MAPK10: variants seen among roughly 807,000 people sequenced by gnomAD.
The protein encoded by MAPK10 is JNK3 alpha protein kinase.
MAPK10 carries 25 observed loss-of-function variants against 59.3 expected under a neutral mutation model. The ratio of observed to expected loss-of-function variants is 0.42; its 90% CI spans 0.31 to 0.59. The LOEUF is 0.59. MAPK10 is among the 20% of genes least tolerant of loss of function. MAPK10 has a pLI of 0.15. For synonymous variants in MAPK10, 190 were observed against 200.5 expected, an observed-to-expected ratio of 0.95 and a Z score of 0.44; for missense variants, 351 against 568.9, an observed-to-expected ratio of 0.62 and a Z score of 3.90.
intron 1 of MAPK10, among the ~76,000 whole-genome samples, chr4:86,491,170 G>C (rs1243757856): frequency 6.6e-6 from 1 of 152,162 alleles, no homozygotes; most frequent in Non-Finnish European, 1.5e-5. Flanking sequence ...GCAGTGCTGT[G>C]ATGGATGAAA....
intron 1 of MAPK10, among the ~76,000 whole-genome samples, chr4:86,574,151 C>A (rs897654953): frequency 6.6e-6 from 1 of 151,430 alleles, no homozygotes; most frequent in African/African-American, 2.4e-5. Context: ...TGAGAACATG[C>A]GGTGTTTGGT....
At chr4:86,402,794 A>G (rs180780871) in intron 1 of MAPK10, among the ~76,000 whole-genome samples, 1 of 152,228 alleles carries the variant, frequency 6.6e-6, no homozygotes, top group East Asian at 1.9e-4. Flanking sequence ...TCAAGTCTAA[A>G]GTTGGTCCAG....
chr4:86,309,388 AT>A (rs1158963391), intron 2 of MAPK10, among the ~76,000 whole-genome samples: 1 of 152,160 alleles, frequency 6.6e-6, no homozygotes, highest in African/African-American at 2.4e-5. Context: ...GTGCACAAGC[AT>A]TGCATCAATA....
rs200528189 is a variant in MAPK10 at position 86,314,699 on chromosome 4, AGTT to A, written c.-7+39828_-7+39830del. Among the ~76,000 whole-genome samples, 905 of 152,312 alleles carry A rather than the reference AGTT, an allele frequency of 5.9e-3. 2 individuals are homozygous for A. Among genetic ancestry groups the A allele is most frequent in the South Asian group, 0.026 (126 of 4,830 alleles). ...CTGCATATAACTCAATAGAAATAGA[AGTT>A]GTTGTTGTTTTCTGATTACAAAGAG... On this transcript the variant is annotated intron_variant, in intron 2 of 13. Transcript: ENST00000641462.
At chr4:86,228,443 C>G (rs367928325) in intron 2 of MAPK10, among the ~76,000 whole-genome samples, 39 of 152,116 alleles carry the variant, frequency 2.6e-4, no homozygotes, top group African/African-American at 9.4e-4. Flanking sequence ...CCCTTTTCTC[C>G]TGCAGCTTCC....
intron 1 of MAPK10, among the ~76,000 whole-genome samples, chr4:86,365,728 A>G (rs1737763636): frequency 6.6e-6 from 1 of 152,144 alleles, no homozygotes; most frequent in Non-Finnish European, 1.5e-5. Flanking sequence ...ACATATTTGA[A>G]CTTTGTATTT....
chr4:86,556,380 A>AT (rs535230061), intron 1 of MAPK10, among the ~76,000 whole-genome samples: 5 of 151,712 alleles, frequency 3.3e-5, no homozygotes, highest in Admixed American at 6.6e-5. Flanking sequence ...GAAATGCTTT[A>AT]TTTTTTTTAC....
At chr4:86,546,531 TG>T (rs1265511972) in intron 1 of MAPK10, among the ~76,000 whole-genome samples, 1 of 143,574 alleles carries the variant, frequency 7.0e-6, no homozygotes, top group East Asian at 2.0e-4. Context: ...CACTCCAGCC[TG>T]GGGGACAAGA....
At chr4:86,497,872 G>T (rs1754995176) in intron 1 of MAPK10, among the ~76,000 whole-genome samples, 1 of 152,288 alleles carries the variant, frequency 6.6e-6, no homozygotes, top group Admixed American at 6.5e-5. Context: ...TAGGAGCAGG[G>T]TTGATTAGAA....
intron 2 of MAPK10, among the ~76,000 whole-genome samples, chr4:86,228,742 T>A (rs1398965456): frequency 1.3e-5 from 2 of 152,112 alleles, no homozygotes; most frequent in African/African-American, 4.8e-5. Flanking sequence ...CATGTTTGTA[T>A]CCCCAGCACT....
intron 2 of MAPK10, among the ~76,000 whole-genome samples, chr4:86,324,515 A>G (rs1021745784): frequency 6.6e-6 from 1 of 152,216 alleles, no homozygotes; most frequent in African/African-American, 2.4e-5. Context: ...AAGGCAGCAG[A>G]TAAGCAGAGG....
chr4:86,281,545 A>C (rs1198254134), intron 2 of MAPK10, among the ~76,000 whole-genome samples: 1 of 151,746 alleles, frequency 6.6e-6, no homozygotes, highest in African/African-American at 2.4e-5. Context: ...ATAAAATAAT[A>C]AAATAAATTC....
At chr4:86,386,454 C>A (rs116314890) in intron 1 of MAPK10, among the ~76,000 whole-genome samples, 1 of 152,258 alleles carries the variant, frequency 6.6e-6, no homozygotes, top group East Asian at 1.9e-4. Flanking sequence ...CTGCAGGGAC[C>A]ACATGGGTAG....
intron 1 of MAPK10, among the ~76,000 whole-genome samples, chr4:86,547,559 GC>G (rs1759326756): frequency 6.6e-6 from 1 of 152,190 alleles, no homozygotes; most frequent in African/African-American, 2.4e-5. Flanking sequence ...GGGCTCCTGT[GC>G]CGCGGAGCCT....
intron 2 of MAPK10, among the ~76,000 whole-genome samples, chr4:86,346,119 T>C (rs1728041864): frequency 6.6e-6 from 1 of 152,182 alleles, no homozygotes; most frequent in Non-Finnish European, 1.5e-5. Flanking sequence ...ATAAGTGCAA[T>C]GAATGAGAGC....
intron 1 of MAPK10, among the ~76,000 whole-genome samples, chr4:86,481,640 G>A (rs560482397): frequency 1.3e-5 from 2 of 152,248 alleles, no homozygotes; most frequent in South Asian, 4.1e-4. Flanking sequence ...TGAGTTAAGT[G>A]CTTACAGAGA....
At chr4:86,583,122 A>G (rs944160249) in intron 1 of MAPK10, among the ~76,000 whole-genome samples, 12 of 152,118 alleles carry the variant, frequency 7.9e-5, no homozygotes, top group Non-Finnish European at 1.2e-4. Context: ...TACAGTACCT[A>G]AAGTACCTAA....
chr4:86,283,012 T>A (rs901421763), intron 2 of MAPK10, among the ~76,000 whole-genome samples: 1 of 152,238 alleles, frequency 6.6e-6, no homozygotes, highest in African/African-American at 2.4e-5. Context: ...CCTTAGCAGA[T>A]CATCTGTAAT....
At chr4:86,076,224 G>A (rs1046407811) in intron 9 of MAPK10, among the ~76,000 whole-genome samples, 2 of 152,280 alleles carry the variant, frequency 1.3e-5, no homozygotes, top group African/African-American at 2.4e-5. Context: ...TGCTTCCCAG[G>A]TGAGGCAATG....
Sources: gnomAD v4.1 joint callset for allele counts (sites outside exome capture counted in the v4.1 genomes callset) on GRCh38, gnomAD v4.1.1 for gene constraint, MANE v1.5 for transcripts, NCBI Gene and HGNC (gene_info 2026-07-23, HGNC 2026-07-21) for gene names.